The following NCOA7 variants were observed in gnomAD, a reference collection of about 807,000 sequenced individuals.
The protein encoded by NCOA7 is 140 kDa estrogen receptor-associated protein.
Under a neutral mutation model 104.3 loss-of-function variants are expected in NCOA7, and 45 were observed. That is an observed-to-expected ratio of 0.43 (90% CI 0.34 to 0.55). The LOEUF (loss-of-function observed/expected upper bound fraction) is 0.55, where lower values mean the gene tolerates loss of function less well. Ranked by LOEUF, NCOA7 falls within the 20% of genes least tolerant of loss-of-function variation. NCOA7 has a pLI of 0.02. For missense variants in NCOA7, 1,041 were observed against 1,119.7 expected (o/e 0.93, Z 1.00); for synonymous variants, 398 against 402.3 (o/e 0.99, Z 0.13).
Position 125,864,745 on chromosome 6 carries a change from G to A in NCOA7, c.271+9505G>A, listed in dbSNP as rs1314805169. The stretch of plus-strand genomic sequence containing the variant: ...TTGATCTCGGACTTCCTAGTGTCCA[G>A]AACTCTGGGAGATAAATTACTGTTG... On this transcript the variant is annotated intron_variant, in intron 3 of 15. Coordinates refer to ENST00000392477, the MANE Select transcript of NCOA7 (RefSeq NM_181782.5). 2.2e-5 allele frequency among the ~76,000 whole-genome samples: 3 copies of A among 137,538 alleles called. 1 individual carries two copies. Among genetic ancestry groups the A allele is most frequent in the African/African-American group, 9.1e-5 (3 of 32,830 alleles). The allele number at this position is 137,538 out of a possible 152,430, so 90.2% of individuals were successfully genotyped here.
In NCOA7 at chr6:125,822,785, A is replaced by T. The variant is rs978467982; in HGVS notation, c.50+7381A>T. Among the ~76,000 whole-genome samples the T allele has an allele frequency of 2.6e-5, 4 of 152,032 alleles. No individual in the cohort carries two copies. In the East Asian group the frequency reaches 7.7e-4, roughly 29 times the overall value. ...CCCCGTCTCTACTAAAAATACAAAA[A>T]TTAGCTGGGCATGGTGGCACAGACC... On this transcript the variant is annotated intron_variant, in intron 2 of 15. Coordinates refer to ENST00000392477, the MANE Select transcript of NCOA7 (RefSeq NM_181782.5).
intron 11 of NCOA7, among the ~76,000 whole-genome samples, chr6:125,918,386 C>T (rs1356578658): frequency 1.3e-5 from 2 of 152,136 alleles, no homozygotes; most frequent in Non-Finnish European, 2.9e-5. Flanking sequence ...AGGTTGTGCT[C>T]AGGCTGTTGC....
Position 125,805,087 on chromosome 6 carries a change from C to CTTTTTTT in NCOA7, c.-64-10182_-64-10176dup, listed in dbSNP as rs59737297. ...ATAAAGCTGGGTTCACCCTCTTGTT[C>CTTTTTTT]TTTTTTTTTTTTTTTTTTTTTTTTT... On this transcript the variant is annotated intron_variant, in intron 1 of 15. Transcript: ENST00000392477. 1.7e-3 allele frequency among the ~76,000 whole-genome samples: 99 copies of CTTTTTTT among 58,038 alleles called. 4 individuals carry two copies. The highest frequency in any genetic ancestry group is 2.3e-3 in the Non-Finnish European group (67 of 29,614). The allele number at this position is 58,038 out of a possible 152,430, so 38.1% of individuals were successfully genotyped here. A position where few individuals can be genotyped will look rare whatever the true frequency, so the allele number is the denominator to read the frequency against.
intron 2 of NCOA7, among the ~76,000 whole-genome samples, chr6:125,825,303 G>A (rs972249064): frequency 2.6e-5 from 4 of 152,044 alleles, no homozygotes; most frequent in Non-Finnish European, 4.4e-5. Flanking sequence ...GTTCCAGCCT[G>A]AGCAACAAAG....
intron 2 of NCOA7, among the ~76,000 whole-genome samples, chr6:125,831,516 C>T (rs1252950532): frequency 6.7e-6 from 1 of 149,352 alleles, no homozygotes; most frequent in African/African-American, 2.5e-5. Context: ...AATTTTCTTT[C>T]TCAGTGATTC....
intron 1 of NCOA7, among the ~76,000 whole-genome samples, chr6:125,807,837 A>G (rs1197602226): frequency 6.6e-6 from 1 of 152,240 alleles, no homozygotes; most frequent in Admixed American, 6.5e-5. Flanking sequence ...TCTCAGAGCA[A>G]CTGAGGTTGG....
chr6:125,794,433 C>T (rs1775122326), intron 1 of NCOA7, among the ~76,000 whole-genome samples: 1 of 152,170 alleles, frequency 6.6e-6, no homozygotes, highest in Admixed American at 6.5e-5. Flanking sequence ...AATATTTTAT[C>T]TTTTCCTATG....
intron 1 of NCOA7, among the ~76,000 whole-genome samples, chr6:125,809,829 A>C (rs550056251): frequency 6.6e-6 from 1 of 152,114 alleles, no homozygotes; most frequent in Non-Finnish European, 1.5e-5. Flanking sequence ...GGCCTCATGG[A>C]TATACTGCTG....
At chr6:125,920,196 A>G (rs1787449255) in intron 11 of NCOA7, among the ~76,000 whole-genome samples, 1 of 152,274 alleles carries the variant, frequency 6.6e-6, no homozygotes, top group African/African-American at 2.4e-5. Context: ...ATCTCTGAAC[A>G]GTACATAAAT....
intron 14 of NCOA7, 149 bp downstream of exon 14, chr6:125,927,907 C>T: frequency 2.7e-6 from 2 of 736,660 alleles, no homozygotes; most frequent in Non-Finnish European, 4.6e-6. Flanking sequence ...AGCTCGCAAA[C>T]TGCTTAGCGT....
intron 2 of NCOA7, among the ~76,000 whole-genome samples, chr6:125,815,926 A>G (rs1447014081): frequency 2.0e-5 from 3 of 152,226 alleles, no homozygotes; most frequent in African/African-American, 7.2e-5. Flanking sequence ...ATCTGAATAG[A>G]AGTAATGTAG....
At chr6:125,801,839 A>G (rs934449928) in intron 1 of NCOA7, among the ~76,000 whole-genome samples, 8 of 152,342 alleles carry the variant, frequency 5.3e-5, no homozygotes, top group African/African-American at 1.7e-4. Context: ...CATCTTAACT[A>G]ACTGTATTTC....
At chr6:125,873,290 T>C (rs1362432764) in intron 3 of NCOA7, among the ~76,000 whole-genome samples, 3 of 152,184 alleles carry the variant, frequency 2.0e-5, no homozygotes, top group South Asian at 2.1e-4. Flanking sequence ...ATTCTCATTC[T>C]CCACTCCCAT....
At chr6:125,870,099 C>T (rs919884689) in intron 3 of NCOA7, among the ~76,000 whole-genome samples, 2 of 152,176 alleles carry the variant, frequency 1.3e-5, no homozygotes, top group Admixed American at 1.3e-4. Context: ...TATTTGCTTA[C>T]TTCTTATGTG....
intron 12 of NCOA7, 26 bp downstream of exon 12, chr6:125,921,094 TG>T: frequency 6.2e-7 from 1 of 1,606,262 alleles, no homozygotes; most frequent in Non-Finnish European, 8.5e-7. Flanking sequence ...CCACCAAGGG[TG>T]GGGGTTCCTA....
chr6:125,825,147 A>G (rs1463157796), intron 2 of NCOA7, among the ~76,000 whole-genome samples: 2 of 144,546 alleles, frequency 1.4e-5, no homozygotes, highest in Non-Finnish European at 3.0e-5. Flanking sequence ...AGATCAGCCT[A>G]GGCAACATGG....
At chr6:125,914,533 C>T (rs961883181) in intron 10 of NCOA7, among the ~76,000 whole-genome samples, 1 of 152,128 alleles carries the variant, frequency 6.6e-6, no homozygotes, top group Non-Finnish European at 1.5e-5. Flanking sequence ...CATAAGTTAA[C>T]GTTATCCCAA....
chr6:125,905,253 A>ATTT (rs375646356), intron 10 of NCOA7, among the ~76,000 whole-genome samples: 29 of 131,596 alleles, frequency 2.2e-4, no homozygotes, highest in Non-Finnish European at 3.4e-4. Flanking sequence ...AAGGAATAAG[A>ATTT]TTTTTTTTTT....
At chr6:125,877,259 G>A (rs553580384) in intron 4 of NCOA7, among the ~76,000 whole-genome samples, 1 of 152,148 alleles carries the variant, frequency 6.6e-6, no homozygotes, top group East Asian at 1.9e-4. Context: ...ACTGAAGGCA[G>A]CGATGGGTTT....
Sources: gnomAD v4.1 joint callset for allele counts (sites outside exome capture counted in the v4.1 genomes callset) on GRCh38, gnomAD v4.1.1 for gene constraint, MANE v1.5 for transcripts, NCBI Gene and HGNC (gene_info 2026-07-23, HGNC 2026-07-21) for gene names.